GALNT13: variants seen among roughly 807,000 people sequenced by gnomAD.
The protein encoded by GALNT13 is UDP-GalNAc:polypeptide N-acetylgalactosaminyltransferase 13.
GALNT13 carries 28 observed loss-of-function variants against 64.2 expected under a neutral mutation model. That is an observed-to-expected ratio of 0.44 (90% CI 0.32 to 0.60). GALNT13 has a LOEUF of 0.60. GALNT13 is among the 20% of genes least tolerant of loss of function. The probability of loss-of-function intolerance (pLI) is 0.05; values close to 1 mark genes in which losing one functional copy is unlikely to be tolerated. For synonymous variants in GALNT13, 214 were observed against 224.6 expected, an observed-to-expected ratio of 0.95 and a Z score of 0.42; for missense variants, 577 against 669.8, an observed-to-expected ratio of 0.86 and a Z score of 1.53.
chr2:153,528,906 C>T, the GALNT13 span, among the ~76,000 whole-genome samples: 6 of 151,744 alleles, frequency 4.0e-5, no homozygotes, highest in Admixed American at 6.6e-5. Flanking sequence ...TCACCAATTA[C>T]GGGATACAGC....
At chr2:153,722,675 C>A in the GALNT13 span, among the ~76,000 whole-genome samples, 5 of 152,176 alleles carry the variant, frequency 3.3e-5, no homozygotes, top group Non-Finnish European at 7.3e-5. Context: ...ACTACAAACA[C>A]CTCTGTGCAA....
chr2:154,364,860 G>A (rs1697279443), intron 9 of GALNT13, among the ~76,000 whole-genome samples: 1 of 152,084 alleles, frequency 6.6e-6, no homozygotes, highest in Admixed American at 6.5e-5. Context: ...TAGTAGAGAC[G>A]GGGTTTTGCC....
chr2:154,335,121 A>G (rs1260687773), intron 9 of GALNT13, among the ~76,000 whole-genome samples: 2 of 151,812 alleles, frequency 1.3e-5, no homozygotes, highest in African/African-American at 4.8e-5. Context: ...TTTTCATTCT[A>G]CACCCTACTT....
chr2:153,621,849 C>T, the GALNT13 span, among the ~76,000 whole-genome samples: 1 of 151,996 alleles, frequency 6.6e-6, no homozygotes, highest in Non-Finnish European at 1.5e-5. Flanking sequence ...CAGTGGGCTC[C>T]CCTCTGGCTG....
At chr2:154,063,441 T>G (rs368924443) in intron 3 of GALNT13, among the ~76,000 whole-genome samples, 29 of 152,320 alleles carry the variant, frequency 1.9e-4, no homozygotes, top group African/African-American at 6.5e-4. Context: ...TTTGTAATAC[T>G]AGGTGACTTG....
intron 3 of GALNT13, among the ~76,000 whole-genome samples, chr2:153,987,085 G>A (rs1162627141): frequency 6.6e-6 from 1 of 151,894 alleles, no homozygotes; most frequent in Non-Finnish European, 1.5e-5. Context: ...GGATTCGAAT[G>A]CCTAGAGTTG....
the GALNT13 span, among the ~76,000 whole-genome samples, chr2:153,603,299 A>T: frequency 4.7e-4 from 72 of 152,006 alleles, no homozygotes; most frequent in African/African-American, 1.5e-3. Context: ...CCTTGGGAAT[A>T]GCAGCGACTC....
chr2:154,001,171 G>T (rs949841691), intron 3 of GALNT13, among the ~76,000 whole-genome samples: 1 of 151,542 alleles, frequency 6.6e-6, no homozygotes, highest in African/African-American at 2.4e-5. Flanking sequence ...TTCTATCTTT[G>T]TGCATCTTTA....
the GALNT13 span, among the ~76,000 whole-genome samples, chr2:153,822,670 A>G: frequency 6.6e-6 from 1 of 151,008 alleles, no homozygotes; most frequent in Non-Finnish European, 1.5e-5. Flanking sequence ...GGACTGGAAC[A>G]CTGAATGGGC....
chr2:153,104,839 T>C, the GALNT13 span, among the ~76,000 whole-genome samples: 2 of 152,192 alleles, frequency 1.3e-5, no homozygotes, highest in Non-Finnish European at 2.9e-5. Flanking sequence ...TTCACAGACC[T>C]ATTTTGTAAT....
chr2:153,448,264 C>T, the GALNT13 span, among the ~76,000 whole-genome samples: 3 of 152,056 alleles, frequency 2.0e-5, no homozygotes, highest in African/African-American at 4.8e-5. Context: ...CAACACTGCC[C>T]GCAATGTGAG....
chr2:153,351,833 T>G, the GALNT13 span, among the ~76,000 whole-genome samples: 2 of 152,212 alleles, frequency 1.3e-5, no homozygotes, highest in Non-Finnish European at 2.9e-5. Context: ...ATTATCTGGA[T>G]GTACCACAGT....
At chr2:154,135,617 T>C (rs1682905362) in intron 3 of GALNT13, among the ~76,000 whole-genome samples, 1 of 152,210 alleles carries the variant, frequency 6.6e-6, no homozygotes, top group African/African-American at 2.4e-5. Flanking sequence ...TTTTTGTTTC[T>C]AAGAGAAATG....
chr2:153,151,664 G>A, the GALNT13 span, among the ~76,000 whole-genome samples: 7 of 152,080 alleles, frequency 4.6e-5, no homozygotes, highest in South Asian at 2.1e-4. Flanking sequence ...GAAATGATGA[G>A]TTCATGTCCT....
chr2:154,225,518 T>C (rs1688569160), intron 4 of GALNT13, among the ~76,000 whole-genome samples: 1 of 151,992 alleles, frequency 6.6e-6, no homozygotes, highest in Non-Finnish European at 1.5e-5. Context: ...AAGATACAGC[T>C]CCAAGTATGT....
At chr2:153,568,134 A>G in the GALNT13 span, among the ~76,000 whole-genome samples, 6 of 152,244 alleles carry the variant, frequency 3.9e-5, no homozygotes, top group Non-Finnish European at 7.3e-5. Context: ...TTATTCTTAT[A>G]AAGGAAAAGT....
intron 2 of GALNT13, among the ~76,000 whole-genome samples, chr2:153,917,069 A>C (rs1015070043): frequency 6.6e-6 from 1 of 152,148 alleles, no homozygotes; most frequent in African/African-American, 2.4e-5. Context: ...CAAGTCACTT[A>C]GTTGATGAGA....
chr2:154,024,468 T>C (rs1697786647), intron 3 of GALNT13, among the ~76,000 whole-genome samples: 1 of 152,228 alleles, frequency 6.6e-6, no homozygotes, highest in East Asian at 1.9e-4. Flanking sequence ...ATACCCTTTC[T>C]TCCAGTTCAT....
At chr2:153,251,970 C>A in the GALNT13 span, among the ~76,000 whole-genome samples, 3 of 151,788 alleles carry the variant, frequency 2.0e-5, no homozygotes, top group African/African-American at 7.3e-5. Context: ...ATTTATAGTC[C>A]TTTGGGTATA....
Sources: allele counts gnomAD v4.1 joint callset (sites outside exome capture counted in the v4.1 genomes callset), GRCh38; gene constraint gnomAD v4.1.1; transcripts MANE v1.5; gene names NCBI Gene and HGNC (gene_info 2026-07-23, HGNC 2026-07-21).